The following MCC variants were observed in gnomAD, a reference collection of about 807,000 sequenced individuals.
MCC encodes the protein colorectal mutant cancer protein.
A neutral mutation model predicts 116.2 loss-of-function variants in MCC; 90 were observed. The ratio of observed to expected loss-of-function variants is 0.77; its 90% confidence interval spans 0.65 to 0.92. The LOEUF is 0.92. Ranked by LOEUF, MCC falls within the 40% of genes least tolerant of loss-of-function variation. MCC has a pLI of 0.00. For missense variants in MCC, 1,516 were observed against 1,312.2 expected (o/e 1.16, Z -2.40); for synonymous variants, 578 against 510.5 (o/e 1.13, Z -1.78).
chr5:113,322,730 T>A (rs1767448738), intron 3 of MCC, among the ~76,000 whole-genome samples: 1 of 152,220 alleles, frequency 6.6e-6, no homozygotes, highest in African/African-American at 2.4e-5. Context: ...GGCACTGGGC[T>A]GGGTACAGAG....
intron 1 of MCC, among the ~76,000 whole-genome samples, chr5:113,463,503 C>T (rs1291722818): frequency 1.3e-5 from 2 of 152,174 alleles, no homozygotes; most frequent in Admixed American, 1.3e-4. Context: ...CATGGGAGTT[C>T]ATGGAAAAGG....
intron 15 of MCC, among the ~76,000 whole-genome samples, chr5:113,052,532 C>G (rs550216860): frequency 2.9e-4 from 44 of 152,288 alleles, no homozygotes; most frequent in Non-Finnish European, 5.3e-4. Flanking sequence ...AAACTTCGCC[C>G]AGATTCTAGC....
chr5:113,082,145 C>G (rs1457057141), intron 11 of MCC, among the ~76,000 whole-genome samples: 4 of 152,192 alleles, frequency 2.6e-5, no homozygotes, highest in African/African-American at 7.2e-5. Flanking sequence ...GAGTCTTTGC[C>G]AACAGGCAAA....
chr5:113,436,681 T>A (rs1488401767), intron 1 of MCC: 3 of 152,354 alleles, frequency 2.0e-5, no homozygotes, highest in African/African-American at 7.2e-5. Flanking sequence ...TCTTTTCTCC[T>A]GAGATAATTA....
intron 1 of MCC, among the ~76,000 whole-genome samples, chr5:113,438,416 ACTTGATC>A (rs549995256): frequency 1.6e-3 from 244 of 152,308 alleles, no homozygotes; most frequent in Admixed American, 2.4e-3. Context: ...TCGGAAAGTA[ACTTGATC>A]TGTAAAATAG....
intron 6 of MCC, among the ~76,000 whole-genome samples, chr5:113,105,955 T>C (rs1252461308): frequency 6.6e-6 from 1 of 152,192 alleles, no homozygotes. Flanking sequence ...TTTTATAAAC[T>C]ACGGATGCCC....
At chr5:113,208,748 G>T (rs143924556) in intron 3 of MCC, among the ~76,000 whole-genome samples, 284 of 152,228 alleles carry the variant, frequency 1.9e-3, no homozygotes, top group African/African-American at 6.7e-3. Flanking sequence ...AAACATCTTT[G>T]TTTCTTAAAT....
At chr5:113,339,961 C>G (rs2150378610) in intron 3 of MCC, among the ~76,000 whole-genome samples, 1 of 152,362 alleles carries the variant, frequency 6.6e-6, no homozygotes, top group Non-Finnish European at 1.5e-5. Context: ...CATTTGGCAG[C>G]CCTGACTTAG....
Position 113,067,299 on chromosome 5 carries a change from C to T in MCC, c.2029+781G>A, listed in dbSNP as rs560419209. Among the ~76,000 whole-genome samples the T allele has an allele frequency of 1.5e-3, 226 of 151,486 alleles. 4 individuals are homozygous for T. Among genetic ancestry groups the T allele is most frequent in the Non-Finnish European group, 2.7e-3 (181 of 68,012 alleles). ...CTGACAAGAGCAGGGGGTGAAACTA[C>T]TTCTTCTTTGTTCGTAAGACACCTG... is the stretch of plus-strand genomic sequence containing the variant. On this transcript the variant is annotated intron_variant, in intron 13 of 18. Coordinates refer to ENST00000408903, the MANE Select transcript of MCC (RefSeq NM_001085377.2).
At chr5:113,294,562 C>T (rs1766647516) in intron 3 of MCC, 2 of 1,326,636 alleles carry the variant, frequency 1.5e-6, no homozygotes, top group East Asian at 3.0e-5. Context: ...TTAAAAAGAG[C>T]AGCCGTGGCT....
At chr5:113,028,789 G>T in intron 18 of MCC, 145 bp downstream of exon 18, 1 of 894,360 alleles carries the variant, frequency 1.1e-6, no homozygotes, top group Non-Finnish European at 1.7e-6. Context: ...CTCTTAGAGA[G>T]CCAGGTAGGG....
chr5:113,198,168 A>C (rs1290729668), intron 3 of MCC, among the ~76,000 whole-genome samples: 1 of 152,224 alleles, frequency 6.6e-6, no homozygotes, highest in Non-Finnish European at 1.5e-5. Flanking sequence ...CATATAAGGC[A>C]GTTCAGCTTG....
chr5:113,174,049 T>C (rs1210626592), intron 3 of MCC, among the ~76,000 whole-genome samples: 1 of 152,184 alleles, frequency 6.6e-6, no homozygotes, highest in Non-Finnish European at 1.5e-5. Context: ...CTGGAACTCA[T>C]GCTTGAGAAC....
intron 2 of MCC, among the ~76,000 whole-genome samples, chr5:113,365,937 C>A (rs1160842195): frequency 3.3e-5 from 5 of 152,160 alleles, no homozygotes; most frequent in Non-Finnish European, 7.4e-5. Context: ...GAGAACTTGA[C>A]CCTGTGATCT....
At chr5:113,298,175 C>CTGTTT (rs2150363862) in intron 3 of MCC, among the ~76,000 whole-genome samples, 1 of 152,218 alleles carries the variant, frequency 6.6e-6, no homozygotes, top group African/African-American at 2.4e-5. Context: ...TTAAGGAAGG[C>CTGTTT]TGTTTTGTTT....
chr5:113,096,943 C>T (rs1756061644), intron 8 of MCC, among the ~76,000 whole-genome samples: 1 of 152,154 alleles, frequency 6.6e-6, no homozygotes, highest in South Asian at 2.1e-4. Context: ...AGCTCCCTCC[C>T]ATGCAGCTAG....
At chr5:113,054,036 C>T in intron 14 of MCC, 77 bp from the exon 15 acceptor site, 11 of 1,048,250 alleles carry the variant, frequency 1.0e-5, no homozygotes, top group Non-Finnish European at 1.6e-5. Context: ...CCTCCTCACT[C>T]TTCTCCACAT....
At chr5:113,334,412 T>G (rs1222052394) in intron 3 of MCC, among the ~76,000 whole-genome samples, 1 of 151,240 alleles carries the variant, frequency 6.6e-6, no homozygotes, top group Non-Finnish European at 1.5e-5. Flanking sequence ...TTCACCATGT[T>G]GCCCAGGATG....
intron 3 of MCC, among the ~76,000 whole-genome samples, chr5:113,177,079 A>C (rs1761374336): frequency 6.6e-6 from 1 of 152,148 alleles, no homozygotes; most frequent in Admixed American, 6.5e-5. Context: ...AATTCTTTTA[A>C]ATGGACCTAC....
Sources: gnomAD v4.1 joint callset for allele counts (sites outside exome capture counted in the v4.1 genomes callset) on GRCh38, gnomAD v4.1.1 for gene constraint, MANE v1.5 for transcripts, NCBI Gene and HGNC (gene_info 2026-07-23, HGNC 2026-07-21) for gene names.